Variants in EPB41L4A observed in about 807,000 individuals in gnomAD.
EPB41L4A encodes the protein band 4.1-like protein 4A.
A neutral mutation model predicts 108.6 loss-of-function variants in EPB41L4A; 100 were observed. The ratio of observed to expected loss-of-function variants is 0.92; its 90% confidence interval spans 0.78 to 1.09. EPB41L4A has a LOEUF of 1.09. Ranked by LOEUF, EPB41L4A falls within the 50% of genes least tolerant of loss-of-function variation. EPB41L4A has a pLI of 0.00. For synonymous variants in EPB41L4A, 319 were observed against 289.0 expected, an observed-to-expected ratio of 1.10 and a Z score of -1.05; for missense variants, 1,030 against 842.7, an observed-to-expected ratio of 1.22 and a Z score of -2.75.
chr5:112,145,078 T>C (rs1428987048), intron 13 of EPB41L4A, among the ~76,000 whole-genome samples: 1 of 152,186 alleles, frequency 6.6e-6, no homozygotes. Context: ...TCACTTGAGG[T>C]CAGGAGTTTG....
At chr5:112,372,041 A>G (rs2112549409) in intron 1 of EPB41L4A, among the ~76,000 whole-genome samples, 1 of 152,308 alleles carries the variant, frequency 6.6e-6, no homozygotes, top group Non-Finnish European at 1.5e-5. Context: ...TTTTTTAAAA[A>G]AGACAATAAA....
chr5:112,221,019 A>C (rs909236251), intron 12 of EPB41L4A, among the ~76,000 whole-genome samples: 9 of 152,330 alleles, frequency 5.9e-5, no homozygotes, highest in African/African-American at 1.2e-4. Context: ...AAAGGCTCTC[A>C]TGTATATAAA....
intron 9 of EPB41L4A, among the ~76,000 whole-genome samples, chr5:112,256,062 GT>G: frequency 6.6e-6 from 1 of 152,234 alleles, no homozygotes; most frequent in Middle Eastern, 3.4e-3. Flanking sequence ...TCCGCACTTT[GT>G]TGTCACCCTG....
chr5:112,378,023 A>G (rs1759929239), intron 1 of EPB41L4A, among the ~76,000 whole-genome samples: 1 of 152,236 alleles, frequency 6.6e-6, no homozygotes, highest in Non-Finnish European at 1.5e-5. Context: ...CAAAAACAAA[A>G]TAAGATGCAA....
At chr5:112,281,028 A>G (rs1006472592) in intron 2 of EPB41L4A, among the ~76,000 whole-genome samples, 2 of 152,228 alleles carry the variant, frequency 1.3e-5, no homozygotes, top group Non-Finnish European at 2.9e-5. Context: ...GGGCAGACCC[A>G]TAGAGAGTCT....
chr5:112,400,751 T>A (rs940203665), intron 1 of EPB41L4A, among the ~76,000 whole-genome samples: 1 of 152,154 alleles, frequency 6.6e-6, no homozygotes, highest in African/African-American at 2.4e-5. Context: ...TCAATTTTGT[T>A]GTTCTAATTT....
chr5:112,316,520 C>T (rs1755440569), intron 1 of EPB41L4A, among the ~76,000 whole-genome samples: 1 of 152,050 alleles, frequency 6.6e-6, no homozygotes, highest in African/African-American at 2.4e-5. Flanking sequence ...CATTGTCTGG[C>T]CCCCATTGTT....
chr5:112,185,159 C>T (rs1004797703), intron 17 of EPB41L4A, among the ~76,000 whole-genome samples: 2 of 150,398 alleles, frequency 1.3e-5, no homozygotes, highest in African/African-American at 2.5e-5. Context: ...TTTATGTAAG[C>T]TCTTCAGAAA....
chr5:112,176,156 G>A lies in EPB41L4A; in HGVS notation c.1623-5164C>T, dbSNP rs115766063. 6.0e-3 allele frequency among the ~76,000 whole-genome samples: 910 copies of A among 152,246 alleles called. 9 individuals carry two copies. Among genetic ancestry groups the A allele is most frequent in the African/African-American group, 0.021 (858 of 41,544 alleles). On this transcript the variant is annotated intron_variant, in intron 18 of 22. Coordinates refer to ENST00000261486, the MANE Select transcript of EPB41L4A (RefSeq NM_022140.5). ...TGACACAGGCACAACCTCACTTAAT[G>A]CTCAGCAAAATCCTAAGAGCGTGGT...
intron 2 of EPB41L4A, among the ~76,000 whole-genome samples, chr5:112,303,542 G>A (rs1353752261): frequency 6.6e-6 from 1 of 152,110 alleles, no homozygotes; most frequent in African/African-American, 2.4e-5. Flanking sequence ...TCGTAGAGAA[G>A]ACTGAACAGG....
intron 18 of EPB41L4A, among the ~76,000 whole-genome samples, chr5:112,177,416 C>T (rs555861134): frequency 1.1e-3 from 172 of 152,312 alleles, no homozygotes; most frequent in Non-Finnish European, 2.0e-3. Context: ...AGGATAATAT[C>T]TCTGGGTGAG....
chr5:112,236,631 G>A (rs769705196), intron 11 of EPB41L4A, among the ~76,000 whole-genome samples: 2 of 152,202 alleles, frequency 1.3e-5, no homozygotes, highest in Non-Finnish European at 2.9e-5. Context: ...ACAGGACACA[G>A]TTTTATTTCT....
intron 1 of EPB41L4A, among the ~76,000 whole-genome samples, chr5:112,355,106 G>C (rs1363236602): frequency 6.6e-6 from 1 of 152,072 alleles, no homozygotes; most frequent in Admixed American, 6.5e-5. Flanking sequence ...TTCACATAAA[G>C]ACATGAACAC....
intron 1 of EPB41L4A, among the ~76,000 whole-genome samples, chr5:112,391,563 A>C (rs1760943790): frequency 6.6e-6 from 1 of 152,206 alleles, no homozygotes; most frequent in African/African-American, 2.4e-5. Flanking sequence ...CAAAGCCTCC[A>C]AGAAATATGG....
intron 1 of EPB41L4A, among the ~76,000 whole-genome samples, chr5:112,351,897 C>T (rs189211888): frequency 2.6e-3 from 388 of 152,136 alleles, no homozygotes; most frequent in Non-Finnish European, 4.1e-3. Flanking sequence ...AGAAAAGAAC[C>T]ATAAGATCAT....
intron 1 of EPB41L4A, among the ~76,000 whole-genome samples, chr5:112,348,891 G>A (rs755622920): frequency 4.6e-5 from 7 of 152,208 alleles, no homozygotes; most frequent in Non-Finnish European, 7.3e-5. Flanking sequence ...GCTTGATGCT[G>A]AGGAGTTTCA....
Position 112,168,202 on chromosome 5 carries a change from AT to A in EPB41L4A, c.1932+536del, listed in dbSNP as rs574538987. 3.0e-4 allele frequency among the ~76,000 whole-genome samples: 45 copies of A among 152,346 alleles called. 1 individual carries two copies. In the South Asian group the frequency reaches 5.6e-3, roughly 19 times the overall value. On this transcript the variant is annotated intron_variant, in intron 22 of 22. Coordinates refer to ENST00000261486, the MANE Select transcript of EPB41L4A (RefSeq NM_022140.5). ...CTATGTTTGCTACAGTGTTCCCCTG[AT>A]TATCAAATTCAGCTAAGTGTTAAAG...
chr5:112,354,957 T>C (rs1187448397), intron 1 of EPB41L4A, among the ~76,000 whole-genome samples: 26 of 152,190 alleles, frequency 1.7e-4, no homozygotes, highest in Non-Finnish European at 1.5e-5. Flanking sequence ...AAGTATTTTA[T>C]CTGATTTTTT....
chr5:112,200,363 T>G (rs543596126), intron 15 of EPB41L4A, among the ~76,000 whole-genome samples: 267 of 152,366 alleles, frequency 1.8e-3, no homozygotes, highest in Non-Finnish European at 3.2e-3. Context: ...TTATAAAAAT[T>G]TATCATGCAT....
Sources: allele counts gnomAD v4.1 joint callset (sites outside exome capture counted in the v4.1 genomes callset), GRCh38; gene constraint gnomAD v4.1.1; transcripts MANE v1.5; gene names NCBI Gene and HGNC (gene_info 2026-07-23, HGNC 2026-07-21).